The following DNAJC15 variants were observed in gnomAD, a reference collection of about 807,000 sequenced individuals.
The protein encoded by DNAJC15 is DnaJ heat shock protein family (Hsp40) member C15, also known as dnaJ homolog subfamily C member 15.
In DNAJC15, 27 loss-of-function variants were observed where a neutral mutation model predicts 22.4. The observed-to-expected ratio is 1.20, with a 90% confidence interval of 0.89 to 1.66. DNAJC15 has a LOEUF of 1.66. Among genes scored for constraint, DNAJC15 ranks in the 40% most tolerant of loss-of-function variants. DNAJC15 has a pLI of 0.00. For missense variants in DNAJC15, 208 were observed against 187.1 expected, an observed-to-expected ratio of 1.11 and a Z score of -0.65; for synonymous variants, 79 against 63.2, an observed-to-expected ratio of 1.25 and a Z score of -1.19.
At chr13:43,100,455 T>C (rs1489615922) in intron 5 of DNAJC15, among the ~76,000 whole-genome samples, 1 of 152,024 alleles carries the variant, frequency 6.6e-6, no homozygotes, top group Non-Finnish European at 1.5e-5. Flanking sequence ...AAGTGATCCG[T>C]GCCCCCCTCA....
intron 3 of DNAJC15, among the ~76,000 whole-genome samples, chr13:43,078,065 G>A (rs2040642666): frequency 6.6e-6 from 1 of 152,068 alleles, no homozygotes; most frequent in African/African-American, 2.4e-5. Flanking sequence ...TGTTTACAAG[G>A]CCATCCACAG....
chr13:43,066,474 C>T (rs2040584583), intron 2 of DNAJC15, among the ~76,000 whole-genome samples: 1 of 152,130 alleles, frequency 6.6e-6, no homozygotes, highest in Non-Finnish European at 1.5e-5. Flanking sequence ...ACTGGGCCCA[C>T]CTGGATAATC....
chr13:43,064,878 C>T (rs2040575792), intron 1 of DNAJC15, among the ~76,000 whole-genome samples: 1 of 151,388 alleles, frequency 6.6e-6, no homozygotes, highest in African/African-American at 2.4e-5. Flanking sequence ...TTGTATCTTA[C>T]GTGCCAACGC....
At chr13:43,065,644 A>G (rs12865576) in intron 1 of DNAJC15, 42 bp from the exon 2 acceptor site, 3 of 1,496,858 alleles carry the variant, frequency 2.0e-6, no homozygotes, top group Admixed American at 3.4e-5. Flanking sequence ...TTTAAAACCC[A>G]GCATGTTACA....
chr13:43,069,075 A>G, intron 3 of DNAJC15, 72 bp downstream of exon 3: 3 of 1,406,266 alleles, frequency 2.1e-6, no homozygotes, highest in Non-Finnish European at 2.9e-6. Flanking sequence ...CAATTAACTT[A>G]GAAAATGTCT....
rs1410028891 is a variant in DNAJC15, at chr13:43,111,196, TCAAAG to T, written c.*3951_*3955del. The T allele has an allele frequency of 6.6e-6, 1 of 152,196 alleles. No individual in the cohort carries two copies. The highest frequency in any genetic ancestry group is 1.5e-5 in the Non-Finnish European group (1 of 68,026). The allele number at this position is 152,196 out of a possible 1,614,324, so 9.4% of individuals were successfully genotyped here. A position where few individuals can be genotyped will look rare whatever the true frequency, so the allele number is the denominator to read the frequency against. On this transcript the variant is annotated 3_prime_UTR_variant, in exon 6 of 6. Coordinates refer to ENST00000379221, the MANE Select transcript of DNAJC15 (RefSeq NM_013238.3). ...GGGCTTGGAATACATTGTTTAGTCT[TCAAAG>T]CACTTTACTTTTTATGAAATATATT...
At position 43,032,247 on chromosome 13, in the gene DNAJC15, T is replaced by A. The variant is rs147377317; in HGVS notation, c.108+8513T>A. Among the ~76,000 whole-genome samples, 110 of 152,314 alleles carry A rather than the reference T, an allele frequency of 7.2e-4. 1 individual carries two copies. In the East Asian group the frequency reaches 0.019, roughly 26 times the overall value. On this transcript the variant is annotated intron_variant, in intron 1 of 5. Coordinates refer to ENST00000379221, the MANE Select transcript of DNAJC15 (RefSeq NM_013238.3). ...TGGGACCAGCTGACACAAGAGCCTGTAGGACTTAGCTCTTCTAACAGAACA... is the reference window on the plus strand; with the variant it reads ...TGGGACCAGCTGACACAAGAGCCTGAAGGACTTAGCTCTTCTAACAGAACA...
intron 4 of DNAJC15, 96 bp downstream of exon 4, chr13:43,078,784 T>C: frequency 9.9e-7 from 1 of 1,006,086 alleles, no homozygotes; most frequent in Non-Finnish European, 1.4e-6. Context: ...GACTTAAAAT[T>C]ATGAGTAGGT....
intron 5 of DNAJC15, among the ~76,000 whole-genome samples, chr13:43,091,776 T>C (rs549232871): frequency 7.1e-6 from 1 of 140,046 alleles, no homozygotes; most frequent in East Asian, 1.9e-4. Context: ...TTCATTATGA[T>C]TTTTTTTCTT....
chr13:43,069,266 A>T (rs1435951825), intron 3 of DNAJC15, among the ~76,000 whole-genome samples: 2 of 152,204 alleles, frequency 1.3e-5, no homozygotes, highest in Admixed American at 6.5e-5. Flanking sequence ...AATTTGATGT[A>T]ACTTACTTTA....
At chr13:43,077,192 T>C (rs918034426) in intron 3 of DNAJC15, among the ~76,000 whole-genome samples, 2 of 152,196 alleles carry the variant, frequency 1.3e-5, no homozygotes, top group Non-Finnish European at 2.9e-5. Flanking sequence ...CTCATGTCTG[T>C]TATTCACAAC....
At chr13:43,047,540 G>A (rs2040483994) in intron 1 of DNAJC15, among the ~76,000 whole-genome samples, 1 of 152,198 alleles carries the variant, frequency 6.6e-6, no homozygotes, top group Admixed American at 6.5e-5. Flanking sequence ...CATAGGTGCT[G>A]GTTATTTTTC....
rs1363992131 is a variant in DNAJC15 at position 43,099,935 on chromosome 13, T to C, written c.383-7243T>C. Among the ~76,000 whole-genome samples, 5 of 152,160 alleles carry C rather than the reference T, an allele frequency of 3.3e-5. 1 individual carries two copies. The East Asian group carries it at 9.6e-4, about 29-fold the overall frequency. ...GTCTGGTTTTGGTGTGAAGATAATA[T>C]AATGTAGGCTTTATAAAATAAATTA... On this transcript the variant is annotated intron_variant, in intron 5 of 5. Coordinates refer to ENST00000379221, the MANE Select transcript of DNAJC15 (RefSeq NM_013238.3).
At chr13:43,050,611 A>C (rs1471081631) in intron 1 of DNAJC15, among the ~76,000 whole-genome samples, 1 of 151,844 alleles carries the variant, frequency 6.6e-6, no homozygotes, top group Non-Finnish European at 1.5e-5. Context: ...ATACATGATT[A>C]AAAAAAAATT....
chr13:43,054,343 G>A (rs1274677628), intron 1 of DNAJC15, among the ~76,000 whole-genome samples: 2 of 152,104 alleles, frequency 1.3e-5, no homozygotes, highest in African/African-American at 4.8e-5. Flanking sequence ...GTTCATCAGG[G>A]ATTTTGGTCT....
intron 1 of DNAJC15, among the ~76,000 whole-genome samples, chr13:43,045,544 A>G (rs377288036): frequency 2.0e-5 from 3 of 152,344 alleles, no homozygotes; most frequent in East Asian, 3.9e-4. Flanking sequence ...GTCAGAGTGA[A>G]ACAGAACAGA....
chr13:43,069,051 C>T (rs550268649), intron 3 of DNAJC15, 48 bp downstream of exon 3: 17 of 1,538,006 alleles, frequency 1.1e-5, no homozygotes, highest in Non-Finnish European at 1.5e-5. Context: ...GATTTTTGTT[C>T]ATATGACATA....
At chr13:43,106,782 C>G (rs2040798784) in intron 5 of DNAJC15, among the ~76,000 whole-genome samples, 1 of 146,828 alleles carries the variant, frequency 6.8e-6, no homozygotes, top group Non-Finnish European at 1.5e-5. Flanking sequence ...CCCGTTTTCA[C>G]AGATGAATGT....
intron 5 of DNAJC15, among the ~76,000 whole-genome samples, chr13:43,100,165 T>A (rs1483823950): frequency 6.6e-6 from 1 of 151,786 alleles, no homozygotes; most frequent in Non-Finnish European, 1.5e-5. Context: ...GTTTCTCTTC[T>A]TTTTCCATTG....
Sources: gnomAD v4.1 joint callset for allele counts (sites outside exome capture counted in the v4.1 genomes callset) on GRCh38, gnomAD v4.1.1 for gene constraint, MANE v1.5 for transcripts, NCBI Gene and HGNC (gene_info 2026-07-23, HGNC 2026-07-21) for gene names.